MAPKAP1: variants seen among roughly 807,000 people sequenced by gnomAD.
The protein encoded by MAPKAP1 is MAPK associated protein 1.
In MAPKAP1, 20 loss-of-function variants were observed where a neutral mutation model predicts 65.7. The ratio of observed to expected loss-of-function variants is 0.30; its 90% CI spans 0.21 to 0.44. The LOEUF (loss-of-function observed/expected upper bound fraction) is 0.44. Among genes scored for constraint, MAPKAP1 ranks in the 20% least tolerant of loss-of-function variants. MAPKAP1 has a pLI of 1.00. For missense variants in MAPKAP1, 423 were observed against 648.0 expected, an observed-to-expected ratio of 0.65 and a Z score of 3.77; for synonymous variants, 222 against 244.3, an observed-to-expected ratio of 0.91 and a Z score of 0.85.
At chr9:125,485,784 G>A (rs1854483102) in intron 8 of MAPKAP1, among the ~76,000 whole-genome samples, 3 of 152,142 alleles carry the variant, frequency 2.0e-5, no homozygotes, top group South Asian at 4.1e-4. Context: ...CCTGGAGCCC[G>A]ACAGCTGCGG....
chr9:125,664,635 G>C (rs1009586457), intron 3 of MAPKAP1, among the ~76,000 whole-genome samples: 8 of 134,520 alleles, frequency 5.9e-5, no homozygotes, highest in African/African-American at 1.6e-4. Flanking sequence ...TGAGGCAGGA[G>C]AATCATTTGA....
At chr9:125,594,387 C>T (rs1354127503) in intron 4 of MAPKAP1, among the ~76,000 whole-genome samples, 1 of 152,176 alleles carries the variant, frequency 6.6e-6, no homozygotes, top group African/African-American at 2.4e-5. Flanking sequence ...AGCACAGACT[C>T]GGGGTCAGCT....
At position 125,674,441 on chromosome 9, in the gene MAPKAP1, T is replaced by C. The variant is rs932189525; in HGVS notation, c.-69-1798A>G. ...GAGTGACTTCCCTGCCCCTGCAAAATTGTTGAGAAGTACAAGGAATATGAA... is the reference window on the plus strand; with the variant it reads ...GAGTGACTTCCCTGCCCCTGCAAAACTGTTGAGAAGTACAAGGAATATGAA... On this transcript the variant is annotated intron_variant, in intron 1 of 11. Transcript: ENST00000265960. 5.9e-5 allele frequency among the ~76,000 whole-genome samples: 9 copies of C among 152,270 alleles called. No homozygotes were observed. In the East Asian group the frequency reaches 9.6e-4, roughly 16 times the overall value.
At chr9:125,653,511 A>G (rs35657774) in intron 4 of MAPKAP1, among the ~76,000 whole-genome samples, 68 of 152,040 alleles carry the variant, frequency 4.5e-4, no homozygotes, top group Non-Finnish European at 8.1e-4. Flanking sequence ...CATGTCTCAC[A>G]TGAGGGCCTT....
At chr9:125,692,140 T>A (rs903829059) in intron 1 of MAPKAP1, among the ~76,000 whole-genome samples, 4 of 152,182 alleles carry the variant, frequency 2.6e-5, no homozygotes. Flanking sequence ...CGTTACCATA[T>A]GACCCAGCAA....
At chr9:125,628,648 G>A (rs1038579715) in intron 4 of MAPKAP1, among the ~76,000 whole-genome samples, 7 of 152,112 alleles carry the variant, frequency 4.6e-5, no homozygotes, top group African/African-American at 7.2e-5. Context: ...ACTTCATGAC[G>A]TTGGATGTAA....
At chr9:125,544,904 C>T (rs1379732668) in intron 6 of MAPKAP1, among the ~76,000 whole-genome samples, 12 of 152,192 alleles carry the variant, frequency 7.9e-5, no homozygotes, top group Admixed American at 5.2e-4. Context: ...GGCTGGGGGC[C>T]GATCTCAAAA....
At chr9:125,701,659 A>C (rs1835602439) in intron 1 of MAPKAP1, among the ~76,000 whole-genome samples, 1 of 152,214 alleles carries the variant, frequency 6.6e-6, no homozygotes, top group African/African-American at 2.4e-5. Context: ...TACCTATCTC[A>C]TAGGACTATG....
intron 4 of MAPKAP1, among the ~76,000 whole-genome samples, chr9:125,610,620 A>T (rs1832571708): frequency 6.6e-6 from 1 of 152,218 alleles, no homozygotes; most frequent in African/African-American, 2.4e-5. Flanking sequence ...ATTAGAATTA[A>T]GGTTTCCCGA....
chr9:125,481,203 G>A (rs1460154176), intron 9 of MAPKAP1, among the ~76,000 whole-genome samples: 1 of 152,114 alleles, frequency 6.6e-6, no homozygotes, highest in Admixed American at 6.6e-5. Context: ...GCCTTTTGTG[G>A]ACTTTTTCCT....
intron 4 of MAPKAP1, chr9:125,652,102 T>C: frequency 7.9e-7 from 1 of 1,266,256 alleles, no homozygotes; most frequent in Non-Finnish European, 1.0e-6. Flanking sequence ...TTTTACGTGA[T>C]TTCAATTCGC....
intron 8 of MAPKAP1, among the ~76,000 whole-genome samples, chr9:125,500,720 T>A (rs1387942548): frequency 6.6e-6 from 1 of 152,212 alleles, no homozygotes; most frequent in Non-Finnish European, 1.5e-5. Context: ...GACACTTTAG[T>A]TACCTGAAAT....
intron 4 of MAPKAP1, among the ~76,000 whole-genome samples, chr9:125,594,066 T>C (rs771480625): frequency 1.3e-4 from 20 of 152,242 alleles, no homozygotes; most frequent in Non-Finnish European, 2.1e-4. Context: ...GCCTCTGAAA[T>C]GCCTCCCAAA....
intron 10 of MAPKAP1, among the ~76,000 whole-genome samples, chr9:125,465,919 T>C (rs1435994012): frequency 6.6e-6 from 1 of 151,568 alleles, no homozygotes; most frequent in African/African-American, 2.4e-5. Flanking sequence ...GAAAGGCATA[T>C]TCCAGGCAGT....
At chr9:125,639,057 G>A (rs1049427005) in intron 4 of MAPKAP1, among the ~76,000 whole-genome samples, 2 of 152,158 alleles carry the variant, frequency 1.3e-5, no homozygotes, top group Non-Finnish European at 2.9e-5. Flanking sequence ...TGGCCAATAT[G>A]GTGAAACCTC....
intron 4 of MAPKAP1, among the ~76,000 whole-genome samples, chr9:125,634,135 A>C (rs1833361188): frequency 6.6e-6 from 1 of 152,198 alleles, no homozygotes; most frequent in South Asian, 2.1e-4. Context: ...TTAATTTGTA[A>C]TGAACTTGCT....
intron 5 of MAPKAP1, among the ~76,000 whole-genome samples, chr9:125,563,288 A>G (rs1830947008): frequency 6.6e-6 from 1 of 152,204 alleles, no homozygotes; most frequent in Non-Finnish European, 1.5e-5. Context: ...TTACAACACA[A>G]TGGAAACAGG....
intron 10 of MAPKAP1, among the ~76,000 whole-genome samples, chr9:125,466,946 T>C (rs1262840606): frequency 6.6e-6 from 1 of 152,254 alleles, no homozygotes; most frequent in Non-Finnish European, 1.5e-5. Flanking sequence ...ACTTGAATCG[T>C]ATTACAAACA....
At chr9:125,537,356 T>A (rs1172243466) in intron 7 of MAPKAP1, among the ~76,000 whole-genome samples, 1 of 152,220 alleles carries the variant, frequency 6.6e-6, no homozygotes, top group African/African-American at 2.4e-5. Flanking sequence ...CCAGGGATGT[T>A]GTACAGATTA....
Sources: allele counts gnomAD v4.1 joint callset (sites outside exome capture counted in the v4.1 genomes callset), GRCh38; gene constraint gnomAD v4.1.1; transcripts MANE v1.5; gene names NCBI Gene and HGNC (gene_info 2026-07-23, HGNC 2026-07-21).